CIMIP6: variants seen among roughly 807,000 people sequenced by gnomAD.
The protein encoded by CIMIP6 is ciliary microtubule inner protein 6, also known as uncharacterized protein C2orf73.
chr2:54,357,708 C>T, the CIMIP6 span, among the ~76,000 whole-genome samples: 1 of 151,628 alleles, frequency 6.6e-6, no homozygotes, highest in East Asian at 1.9e-4. Flanking sequence ...TCCTGAGTAG[C>T]TGGGACTATA....
the CIMIP6 span, among the ~76,000 whole-genome samples, chr2:54,339,066 G>T: frequency 1.4e-5 from 1 of 72,918 alleles, no homozygotes; most frequent in East Asian, 2.4e-4. Context: ...TGAGGCAGGA[G>T]AATTGCTTGA....
chr2:54,355,165 ATTATC>A, the CIMIP6 span, among the ~76,000 whole-genome samples: 1 of 139,610 alleles, frequency 7.2e-6, no homozygotes, highest in Non-Finnish European at 1.7e-5. Context: ...AAAAAAATTA[ATTATC>A]TTGTGTCCAA....
At chr2:54,358,866 G>C in the CIMIP6 span, 1 of 554,350 alleles carries the variant, frequency 1.8e-6, no homozygotes, top group South Asian at 3.4e-5. Context: ...CAAGAATTTA[G>C]TTTTGTTACC....
chr2:54,337,284 G>T, the CIMIP6 span, among the ~76,000 whole-genome samples: 1 of 152,102 alleles, frequency 6.6e-6, no homozygotes, highest in African/African-American at 2.4e-5. Flanking sequence ...GATCTTCTTG[G>T]GGCAGGAATT....
the CIMIP6 span, among the ~76,000 whole-genome samples, chr2:54,357,822 T>C: frequency 6.6e-6 from 1 of 151,820 alleles, no homozygotes; most frequent in Non-Finnish European, 1.5e-5. Flanking sequence ...CTTGACCTTG[T>C]GATCTGCCTG....
At chr2:54,335,248 G>T in the CIMIP6 span, among the ~76,000 whole-genome samples, 1 of 152,122 alleles carries the variant, frequency 6.6e-6, no homozygotes, top group African/African-American at 2.4e-5. Context: ...CCTAGATTGG[G>T]TCAGATTATT....
the CIMIP6 span, among the ~76,000 whole-genome samples, chr2:54,331,482 C>T: frequency 3.3e-5 from 5 of 152,092 alleles, no homozygotes; most frequent in African/African-American, 9.7e-5. Flanking sequence ...CGTTCTCCAT[C>T]CGACATCGTA....
At chr2:54,339,038 C>T in the CIMIP6 span, among the ~76,000 whole-genome samples, 35 of 71,854 alleles carry the variant, frequency 4.9e-4, 15 homozygotes, top group South Asian at 9.7e-4. Context: ...TGCCTGTAGT[C>T]CTAGCTATTT....
the CIMIP6 span, among the ~76,000 whole-genome samples, chr2:54,334,367 A>G: frequency 6.6e-6 from 1 of 152,210 alleles, no homozygotes; most frequent in African/African-American, 2.4e-5. Context: ...TTGCCAGACA[A>G]ACTTTTAAAA....
At chr2:54,343,204 T>C in the CIMIP6 span, among the ~76,000 whole-genome samples, 3 of 152,188 alleles carry the variant, frequency 2.0e-5, no homozygotes, top group South Asian at 2.1e-4. Flanking sequence ...AGTAAGTATT[T>C]TGTGAAACTT....
At chr2:54,369,646 C>A in the CIMIP6 span, among the ~76,000 whole-genome samples, 1 of 152,214 alleles carries the variant, frequency 6.6e-6, no homozygotes, top group African/African-American at 2.4e-5. Flanking sequence ...TTGGTTACAG[C>A]AAAGCACTGT....
At chr2:54,342,522 T>G in the CIMIP6 span, among the ~76,000 whole-genome samples, 1 of 152,146 alleles carries the variant, frequency 6.6e-6, no homozygotes, top group Non-Finnish European at 1.5e-5. Context: ...AATTATTTTT[T>G]AAATCTAATG....
chr2:54,377,872 G>T, the CIMIP6 span, among the ~76,000 whole-genome samples: 1 of 152,086 alleles, frequency 6.6e-6, no homozygotes, highest in African/African-American at 2.4e-5. Flanking sequence ...TATTAGCTGT[G>T]GGATTGTTGT....
At chr2:54,358,327 C>T in the CIMIP6 span, among the ~76,000 whole-genome samples, 4 of 152,114 alleles carry the variant, frequency 2.6e-5, no homozygotes, top group Non-Finnish European at 5.9e-5. Flanking sequence ...TCTTTCTAGT[C>T]GTGAAAAGTT....
the CIMIP6 span, among the ~76,000 whole-genome samples, chr2:54,372,030 C>A: frequency 2.6e-5 from 4 of 152,200 alleles, no homozygotes; most frequent in Non-Finnish European, 4.4e-5. Context: ...TAGCTGCTAA[C>A]GTTCATGGAA....
At chr2:54,360,509 G>A in the CIMIP6 span, 2 of 1,559,054 alleles carry the variant, frequency 1.3e-6, no homozygotes, top group African/African-American at 1.4e-5. Flanking sequence ...TGTAGGAGAT[G>A]CTCTTTTCAC....
the CIMIP6 span, among the ~76,000 whole-genome samples, chr2:54,379,495 T>C: frequency 6.6e-6 from 1 of 152,116 alleles, no homozygotes; most frequent in Non-Finnish European, 1.5e-5. Context: ...GAGATCTGCA[T>C]CTCCTAGGTG....
the CIMIP6 span, among the ~76,000 whole-genome samples, chr2:54,359,794 T>C: frequency 5.9e-5 from 9 of 152,220 alleles, no homozygotes; most frequent in African/African-American, 2.2e-4. Context: ...ACTTAGCTTT[T>C]CATCAGCGTT....
At chr2:54,342,604 C>A in the CIMIP6 span, among the ~76,000 whole-genome samples, 1 of 151,042 alleles carries the variant, frequency 6.6e-6, no homozygotes, top group Non-Finnish European at 1.5e-5. Flanking sequence ...CCCTATGCAG[C>A]CACATAGGTT....
Sources: gnomAD v4.1 joint callset for allele counts (sites outside exome capture counted in the v4.1 genomes callset) on GRCh38, gnomAD v4.1.1 for gene constraint, MANE v1.5 for transcripts, NCBI Gene and HGNC (gene_info 2026-07-23, HGNC 2026-07-21) for gene names.